TBC1D19: variants seen among roughly 807,000 people sequenced by gnomAD.
TBC1D19 encodes TBC1 domain family member 19.
Under a neutral mutation model 89.0 loss-of-function variants are expected in TBC1D19, and 60 were observed. That is an observed-to-expected ratio of 0.67 (90% CI 0.55 to 0.84). The LOEUF (loss-of-function observed/expected upper bound fraction) is 0.84. Ranked by LOEUF, TBC1D19 falls within the 40% of genes least tolerant of loss-of-function variation. The probability of loss-of-function intolerance (pLI) is 0.00; values close to 1 mark genes in which losing one functional copy is unlikely to be tolerated. For synonymous variants in TBC1D19, 189 were observed against 199.7 expected, an observed-to-expected ratio of 0.95 and a Z score of 0.45; for missense variants, 500 against 610.8, an observed-to-expected ratio of 0.82 and a Z score of 1.91.
At chr4:26,636,464 G>A (rs1263683149) in intron 4 of TBC1D19, among the ~76,000 whole-genome samples, 1 of 137,296 alleles carries the variant, frequency 7.3e-6, no homozygotes, top group Non-Finnish European at 1.5e-5. Context: ...AACTGGCCTG[G>A]ACCTTTCAAG....
chr4:26,676,633 G>A (rs1238397008), intron 11 of TBC1D19, among the ~76,000 whole-genome samples: 1 of 151,376 alleles, frequency 6.6e-6, no homozygotes, highest in Admixed American at 6.6e-5. Context: ...GCAAGAAAAT[G>A]TCGTGAACCC....
At chr4:26,700,034 A>G (rs1715183753) in intron 13 of TBC1D19, among the ~76,000 whole-genome samples, 1 of 151,640 alleles carries the variant, frequency 6.6e-6, no homozygotes, top group Admixed American at 6.6e-5. Flanking sequence ...AGAAATTAAA[A>G]GGGGTAAGAA....
At chr4:26,808,637 G>A in the TBC1D19 span, among the ~76,000 whole-genome samples, 6 of 149,142 alleles carry the variant, frequency 4.0e-5, no homozygotes, top group South Asian at 1.3e-3. Flanking sequence ...GCTGAGGCAG[G>A]AGAATAGCTT....
chr4:26,753,110 T>TC (rs1043429278), intron 19 of TBC1D19, among the ~76,000 whole-genome samples: 3 of 152,164 alleles, frequency 2.0e-5, no homozygotes, highest in Admixed American at 2.0e-4. Context: ...TACAGATATA[T>TC]CCATTTGTGA....
chr4:26,751,857 C>T (rs1289763591), intron 19 of TBC1D19, among the ~76,000 whole-genome samples: 1 of 152,198 alleles, frequency 6.6e-6, no homozygotes, highest in Non-Finnish European at 1.5e-5. Flanking sequence ...ATCCTTCATG[C>T]CATCTCTGGA....
At position 26,606,781 on chromosome 4, in the gene TBC1D19, A is replaced by G. The variant is rs35919740; in HGVS notation, c.100-6388A>G. The stretch of plus-strand genomic sequence containing the variant: ...TCAGGATTAGCATGATAGCATAGTG[A>G]AAAGCAGGAAAGATGAGGTCTCTTT... On this transcript the variant is annotated intron_variant, in intron 1 of 20. Transcript: ENST00000264866. Among the ~76,000 whole-genome samples the G allele has an allele frequency of 7.9e-3, 1,204 of 152,322 alleles. 6 individuals carry two copies. The highest frequency in any genetic ancestry group is 0.017 in the Middle Eastern group (5 of 294).
chr4:26,701,139 C>A (rs1198616750), intron 13 of TBC1D19, among the ~76,000 whole-genome samples: 3 of 152,132 alleles, frequency 2.0e-5, no homozygotes, highest in Non-Finnish European at 2.9e-5. Context: ...AAGACTGTTA[C>A]CCTCCCCTCT....
At chr4:26,773,188 T>C in the TBC1D19 span, among the ~76,000 whole-genome samples, 3 of 152,206 alleles carry the variant, frequency 2.0e-5, no homozygotes, top group Non-Finnish European at 4.4e-5. Flanking sequence ...CTCATTGTGG[T>C]TTTGATTTGC....
At chr4:26,693,411 A>G (rs60468513) in intron 13 of TBC1D19, among the ~76,000 whole-genome samples, 8,293 of 152,182 alleles carry the variant, frequency 0.054, 797 homozygotes, top group African/African-American at 0.19. Flanking sequence ...AAGTAAAGTA[A>G]GGCCAGATGC....
chr4:26,605,569 C>T (rs260945), intron 1 of TBC1D19, among the ~76,000 whole-genome samples: 12 of 151,866 alleles, frequency 7.9e-5, no homozygotes, highest in Admixed American at 3.3e-4. Flanking sequence ...GTATATACCC[C>T]GTAATGGAAT....
chr4:26,722,670 A>G (rs1201860389), intron 15 of TBC1D19, among the ~76,000 whole-genome samples: 1 of 152,194 alleles, frequency 6.6e-6, no homozygotes, highest in Non-Finnish European at 1.5e-5. Context: ...TAATGAGCTC[A>G]AGACACCAAA....
intron 1 of TBC1D19, among the ~76,000 whole-genome samples, chr4:26,586,538 A>G (rs1739429988): frequency 6.6e-6 from 1 of 152,082 alleles, no homozygotes. Flanking sequence ...TTGAATCTGT[A>G]GATCAATTTG....
chr4:26,643,018 T>C (rs1743656301), intron 7 of TBC1D19, among the ~76,000 whole-genome samples: 1 of 152,140 alleles, frequency 6.6e-6, no homozygotes, highest in Non-Finnish European at 1.5e-5. Flanking sequence ...GACAGATCAA[T>C]GAGACAGAAG....
chr4:26,716,553 T>C (rs1441875997), intron 13 of TBC1D19, among the ~76,000 whole-genome samples: 4 of 152,166 alleles, frequency 2.6e-5, no homozygotes, highest in African/African-American at 9.7e-5. Flanking sequence ...AATAATTAAA[T>C]GTTCAACAAC....
At chr4:26,798,688 C>G in the TBC1D19 span, among the ~76,000 whole-genome samples, 1 of 151,692 alleles carries the variant, frequency 6.6e-6, no homozygotes, top group African/African-American at 2.4e-5. Context: ...CCATGGAATA[C>G]TAGATAGCCA....
chr4:26,578,786 T>C (rs1409423953), intron 1 of TBC1D19, among the ~76,000 whole-genome samples: 1 of 152,170 alleles, frequency 6.6e-6, no homozygotes, highest in African/African-American at 2.4e-5. Context: ...GTTGTACAGA[T>C]TGTATTAGAG....
chr4:26,633,828 A>G (rs1742951608), intron 4 of TBC1D19, among the ~76,000 whole-genome samples: 1 of 152,144 alleles, frequency 6.6e-6, no homozygotes. Context: ...CCTCTTGGTC[A>G]GCAGAAGCTA....
chr4:26,726,837 A>G (rs1481746328), intron 15 of TBC1D19, among the ~76,000 whole-genome samples: 1 of 152,088 alleles, frequency 6.6e-6, no homozygotes, highest in Non-Finnish European at 1.5e-5. Flanking sequence ...ATATTTAATA[A>G]GTGCAAAGCA....
chr4:26,755,570 T>C lies in TBC1D19; in HGVS notation c.*623T>C, dbSNP rs1413459157. ...GGAAGGTCGAATACAATTGTCTCCATTTGACAATATTTTATGCTTGACTCT... is the reference window on the plus strand; with the variant it reads ...GGAAGGTCGAATACAATTGTCTCCACTTGACAATATTTTATGCTTGACTCT... On this transcript the variant is annotated 3_prime_UTR_variant, in exon 21 of 21. Coordinates refer to ENST00000264866, the MANE Select transcript of TBC1D19 (RefSeq NM_018317.4). Among the ~76,000 whole-genome samples, 7 of 152,180 alleles carry C rather than the reference T, an allele frequency of 4.6e-5. No homozygotes were observed. The highest frequency in any genetic ancestry group is 1.5e-5 in the Non-Finnish European group (1 of 68,016).
Sources: gnomAD v4.1 joint callset for allele counts (sites outside exome capture counted in the v4.1 genomes callset) on GRCh38, gnomAD v4.1.1 for gene constraint, MANE v1.5 for transcripts, NCBI Gene and HGNC (gene_info 2026-07-23, HGNC 2026-07-21) for gene names.